SCAI: variants seen among roughly 807,000 people sequenced by gnomAD.
SCAI encodes suppressor of cancer cell invasion.
A neutral mutation model predicts 92.2 loss-of-function variants in SCAI; 24 were observed. The ratio of observed to expected loss-of-function variants is 0.26; its 90% CI spans 0.19 to 0.37. The LOEUF is 0.37. Among genes scored for constraint, SCAI ranks in the 10% least tolerant of loss-of-function variants. SCAI has a pLI of 1.00. For synonymous variants in SCAI, 261 were observed against 258.6 expected, an observed-to-expected ratio of 1.01 and a Z score of -0.09; for missense variants, 450 against 736.2, an observed-to-expected ratio of 0.61 and a Z score of 4.50.
chr9:125,002,631 T>A (rs927374323), intron 11 of SCAI, among the ~76,000 whole-genome samples: 4 of 151,920 alleles, frequency 2.6e-5, no homozygotes, highest in African/African-American at 9.7e-5. Context: ...TACAGGCATG[T>A]GCCACCACAC....
chr9:125,133,710 G>A (rs1835454834), intron 2 of SCAI, among the ~76,000 whole-genome samples: 1 of 151,970 alleles, frequency 6.6e-6, no homozygotes, highest in Admixed American at 6.6e-5. Context: ...CTCACTGTAT[G>A]CCAACTGTAC....
chr9:124,993,359 CG>C (rs1167639541), intron 14 of SCAI, among the ~76,000 whole-genome samples: 2 of 152,178 alleles, frequency 1.3e-5, no homozygotes, highest in South Asian at 2.1e-4. Context: ...GAGGCCAAGG[CG>C]GGTGGATCAT....
intron 9 of SCAI, among the ~76,000 whole-genome samples, chr9:125,015,568 T>G (rs1335069350): frequency 1.3e-5 from 2 of 152,172 alleles, no homozygotes; most frequent in East Asian, 3.8e-4. Flanking sequence ...AGGAACACTT[T>G]TACACTATTG....
intron 2 of SCAI, among the ~76,000 whole-genome samples, chr9:125,105,286 AC>A (rs1022888727): frequency 6.6e-6 from 1 of 152,166 alleles, no homozygotes; most frequent in Admixed American, 6.5e-5. Flanking sequence ...ACAGAGTGAG[AC>A]CCTGTCTCTA....
chr9:125,028,681 C>T (rs889323182), intron 4 of SCAI, among the ~76,000 whole-genome samples: 1 of 148,740 alleles, frequency 6.7e-6, no homozygotes, highest in Non-Finnish European at 1.5e-5. Flanking sequence ...AAAGAAACTA[C>T]TTTGGCCAAT....
At chr9:125,139,752 C>T (rs1835621585) in intron 2 of SCAI, among the ~76,000 whole-genome samples, 1 of 152,108 alleles carries the variant, frequency 6.6e-6, no homozygotes, top group South Asian at 2.1e-4. Flanking sequence ...GATCGATTTG[C>T]ACAGTACAGG....
At chr9:125,081,000 G>A (rs1159940591) in intron 2 of SCAI, among the ~76,000 whole-genome samples, 1 of 152,214 alleles carries the variant, frequency 6.6e-6, no homozygotes, top group African/African-American at 2.4e-5. Flanking sequence ...CTCTTTGCCT[G>A]CTGCCATCCA....
chr9:125,005,741 T>C (rs1440642957), intron 9 of SCAI, among the ~76,000 whole-genome samples: 3 of 152,134 alleles, frequency 2.0e-5, no homozygotes, highest in Non-Finnish European at 4.4e-5. Context: ...AACTGGTTGG[T>C]TGGTTGGAAG....
chr9:124,971,880 G>A lies in SCAI; in HGVS notation c.1400-36C>T, dbSNP rs373247136. 1.8e-5 allele frequency: 25 copies of A among 1,400,750 alleles called. No homozygotes were observed. The African/African-American group carries it at 2.9e-4, about 16-fold the overall frequency. 86.8% of individuals were successfully genotyped at this position (1,400,750 alleles called of 1,614,324 possible). A position where few individuals can be genotyped will look rare whatever the true frequency, so the allele number is the denominator to read the frequency against. Reference sequence around the variant, plus strand: ...AAACATGTTATATATATAGACAATAGTTTTGCAAAAGATAAGAGATACATA... The same window carrying A: ...AAACATGTTATATATATAGACAATAATTTTGCAAAAGATAAGAGATACATA... On this transcript the variant is annotated intron_variant, in intron 15 of 17. Coordinates refer to ENST00000336505, the MANE Select transcript of SCAI (RefSeq NM_001144877.3).
intron 2 of SCAI, among the ~76,000 whole-genome samples, chr9:125,090,668 T>C (rs1257078631): frequency 6.6e-6 from 1 of 152,192 alleles, no homozygotes; most frequent in Non-Finnish European, 1.5e-5. Context: ...CTTACACTCC[T>C]ATACTCCATT....
At chr9:125,090,199 G>A (rs550872691) in intron 2 of SCAI, among the ~76,000 whole-genome samples, 1 of 152,278 alleles carries the variant, frequency 6.6e-6, no homozygotes, top group South Asian at 2.1e-4. Context: ...AATACTACAA[G>A]ATTTTATAAA....
chr9:125,114,993 G>A (rs1478421435), intron 2 of SCAI, among the ~76,000 whole-genome samples: 7 of 151,876 alleles, frequency 4.6e-5, no homozygotes, highest in African/African-American at 1.2e-4. Flanking sequence ...GGCTGGTCTC[G>A]AACTCCTGAC....
At chr9:124,955,292 TAAATG>T (rs983251729) in intron 17 of SCAI, among the ~76,000 whole-genome samples, 6 of 150,698 alleles carry the variant, frequency 4.0e-5, no homozygotes, top group Non-Finnish European at 3.0e-5. Context: ...TGAATGGAAA[TAAATG>T]AAACAGAAAA....
chr9:125,133,120 T>C (rs1297383002), intron 2 of SCAI, among the ~76,000 whole-genome samples: 1 of 152,166 alleles, frequency 6.6e-6, no homozygotes. Flanking sequence ...CCAGGCACAG[T>C]GGCTGACACC....
intron 2 of SCAI, among the ~76,000 whole-genome samples, chr9:125,069,597 C>T (rs968040201): frequency 1.4e-4 from 20 of 145,166 alleles, no homozygotes; most frequent in African/African-American, 4.1e-4. Flanking sequence ...GGATTACAGG[C>T]GTCAGCCATT....
intron 9 of SCAI, among the ~76,000 whole-genome samples, chr9:125,013,980 C>T (rs1183472376): frequency 6.6e-5 from 10 of 151,734 alleles, no homozygotes; most frequent in East Asian, 3.9e-4. Flanking sequence ...AATTCAACAA[C>T]GCTTCATGCT....
chr9:125,016,078 C>T (rs907394060), intron 9 of SCAI, among the ~76,000 whole-genome samples: 10 of 149,366 alleles, frequency 6.7e-5, no homozygotes, highest in African/African-American at 2.5e-4. Context: ...ATACCGAATG[C>T]TAAAAGACGA....
intron 2 of SCAI, among the ~76,000 whole-genome samples, chr9:125,084,157 G>GC (rs1834276531): frequency 4.1e-5 from 4 of 97,842 alleles, no homozygotes; most frequent in African/African-American, 1.7e-4. Flanking sequence ...CTTGGCTGCT[G>GC]CTTTTTTTTT....
At chr9:125,015,576 T>C (rs1258675393) in intron 9 of SCAI, among the ~76,000 whole-genome samples, 5 of 152,188 alleles carry the variant, frequency 3.3e-5, no homozygotes, top group African/African-American at 1.2e-4. Context: ...TTTTACACTA[T>C]TGGTGGGACT....
Sources: allele counts gnomAD v4.1 joint callset (sites outside exome capture counted in the v4.1 genomes callset), GRCh38; gene constraint gnomAD v4.1.1; transcripts MANE v1.5; gene names NCBI Gene and HGNC (gene_info 2026-07-23, HGNC 2026-07-21).